MPRIP: variants seen among roughly 807,000 people sequenced by gnomAD.
MPRIP encodes the protein myosin phosphatase Rho-interacting protein.
A neutral mutation model predicts 234.9 loss-of-function variants in MPRIP; 59 were observed. The observed-to-expected ratio is 0.25, with a 90% CI of 0.20 to 0.31. The LOEUF (loss-of-function observed/expected upper bound fraction) is 0.31. MPRIP is among the 10% of genes least tolerant of loss of function. The pLI is 1.00. For synonymous variants in MPRIP, 1,144 were observed against 1,263.9 expected (o/e 0.91, Z 2.01); for missense variants, 2,436 against 3,071.0 (o/e 0.79, Z 4.89).
At chr17:17,179,318 G>A (rs1224202042) in intron 22 of MPRIP, among the ~76,000 whole-genome samples, 1 of 150,962 alleles carries the variant, frequency 6.6e-6, no homozygotes. Context: ...ATGGTGGCAC[G>A]CACCTGTAGT....
At chr17:17,168,920 C>T (rs570311941) in intron 16 of MPRIP, 1 of 456,844 alleles carries the variant, frequency 2.2e-6, no homozygotes, top group South Asian at 1.5e-5. Flanking sequence ...TCCTCACAGC[C>T]ACTGTCTAGC....
intron 3 of MPRIP, among the ~76,000 whole-genome samples, chr17:17,124,461 A>T (rs2090453545): frequency 6.6e-6 from 1 of 152,202 alleles, no homozygotes. Context: ...ATGGATACAC[A>T]GCTCATCCAG....
intron 13 of MPRIP, among the ~76,000 whole-genome samples, chr17:17,156,480 G>C (rs1459036486): frequency 1.3e-5 from 2 of 152,204 alleles, no homozygotes; most frequent in Non-Finnish European, 2.9e-5. Context: ...GAGTTTTTTA[G>C]TGCTGCCAGG....
chr17:17,055,887 C>T (rs1168990960), intron 1 of MPRIP, among the ~76,000 whole-genome samples: 2 of 152,158 alleles, frequency 1.3e-5, no homozygotes, highest in Non-Finnish European at 2.9e-5. Flanking sequence ...TGTGCCAGGC[C>T]ACTATTAGCT....
intron 16 of MPRIP, among the ~76,000 whole-genome samples, chr17:17,170,368 A>G (rs932188426): frequency 1.3e-5 from 2 of 152,150 alleles, no homozygotes; most frequent in African/African-American, 4.8e-5. Context: ...GGGTGGCAGA[A>G]AGAGACAGAT....
At chr17:17,111,618 A>G (rs1282127825) in intron 3 of MPRIP, among the ~76,000 whole-genome samples, 1 of 152,180 alleles carries the variant, frequency 6.6e-6, no homozygotes, top group Non-Finnish European at 1.5e-5. Context: ...GAGTGAAGCC[A>G]GCGTCCCTCT....
chr17:17,101,422 C>G (rs2089958004), intron 3 of MPRIP, among the ~76,000 whole-genome samples: 1 of 152,108 alleles, frequency 6.6e-6, no homozygotes. Context: ...CAAAAATTAG[C>G]CAGACATGGT....
At chr17:17,081,814 T>G (rs2089468239) in intron 3 of MPRIP, among the ~76,000 whole-genome samples, 1 of 152,216 alleles carries the variant, frequency 6.6e-6, no homozygotes, top group Non-Finnish European at 1.5e-5. Context: ...TTGGGAAATT[T>G]CTTTCTCGAT....
At chr17:17,177,108 C>T (rs1445209336) in intron 21 of MPRIP, 142 bp from the exon 22 acceptor site, 2 of 825,576 alleles carry the variant, frequency 2.4e-6, no homozygotes, top group Admixed American at 2.1e-5. Context: ...CTGTCTGCCT[C>T]TAGAAGACAG....
At chr17:17,051,458 A>G (rs371484142) in intron 1 of MPRIP, among the ~76,000 whole-genome samples, 2 of 151,566 alleles carry the variant, frequency 1.3e-5, no homozygotes, top group Non-Finnish European at 2.9e-5. Flanking sequence ...GACCAGGTGG[A>G]TGGTTTTCAA....
At chr17:17,081,436 A>G (rs1484457868) in intron 3 of MPRIP, among the ~76,000 whole-genome samples, 1 of 152,184 alleles carries the variant, frequency 6.6e-6, no homozygotes. Context: ...GAAAAGAGAG[A>G]AGATAGGAAA....
At chr17:17,086,856 A>G (rs781599397) in intron 3 of MPRIP, among the ~76,000 whole-genome samples, 1 of 152,184 alleles carries the variant, frequency 6.6e-6, no homozygotes, top group East Asian at 1.9e-4. Flanking sequence ...GGGAGCTTCA[A>G]GATGGATGTT....
chr17:17,086,916 TA>T lies in MPRIP; in HGVS notation c.267+8841del, dbSNP rs555654184. 1.1e-4 allele frequency among the ~76,000 whole-genome samples: 16 copies of T among 152,194 alleles called. No homozygotes were observed. The East Asian group carries it at 3.1e-3, about 29-fold the overall frequency. ...TAAGCCCCCTCCCTTCCTTTTGTCA[TA>T]GTTGGGAGGTTGGGGGAGAAGAGCT... On this transcript the variant is annotated intron_variant, in intron 3 of 23. Transcript: ENST00000651222.
intron 1 of MPRIP, among the ~76,000 whole-genome samples, chr17:17,052,115 C>T (rs574749324): frequency 6.6e-6 from 1 of 152,206 alleles, no homozygotes; most frequent in Non-Finnish European, 1.5e-5. Flanking sequence ...AGTGGTTGAG[C>T]GGCCTGCCCA....
intron 4 of MPRIP, among the ~76,000 whole-genome samples, chr17:17,130,229 T>G (rs1176335303): frequency 1.4e-4 from 22 of 152,260 alleles, no homozygotes; most frequent in Non-Finnish European, 2.9e-5. Flanking sequence ...GTTCCGTGCA[T>G]TAAGCCTGGC....
intron 1 of MPRIP, among the ~76,000 whole-genome samples, chr17:17,045,532 C>G (rs966355285): frequency 2.0e-5 from 3 of 152,180 alleles, no homozygotes; most frequent in African/African-American, 7.2e-5. Flanking sequence ...ATGTTAGTTC[C>G]CCTACTCCTG....
chr17:17,171,648 C>G, intron 16 of MPRIP, 70 bp from the exon 17 acceptor site: 1 of 1,560,508 alleles, frequency 6.4e-7, no homozygotes, highest in Non-Finnish European at 8.6e-7. Flanking sequence ...TTCCTGGCTC[C>G]TTTATTTAAA....
chr17:17,064,964 A>G (rs1438274049), intron 1 of MPRIP, among the ~76,000 whole-genome samples: 1 of 152,094 alleles, frequency 6.6e-6, no homozygotes, highest in African/African-American at 2.4e-5. Flanking sequence ...TGAGTGATAG[A>G]TATACTTACT....
At chr17:17,086,494 T>C (rs1187039036) in intron 3 of MPRIP, among the ~76,000 whole-genome samples, 2 of 152,242 alleles carry the variant, frequency 1.3e-5, no homozygotes, top group East Asian at 1.9e-4. Flanking sequence ...GTCTGTGCGA[T>C]GCTCTTTTCA....
Sources: gnomAD v4.1 joint callset for allele counts (sites outside exome capture counted in the v4.1 genomes callset) on GRCh38, gnomAD v4.1.1 for gene constraint, MANE v1.5 for transcripts, NCBI Gene and HGNC (gene_info 2026-07-23, HGNC 2026-07-21) for gene names.